Variants in BRINP3 observed in about 807,000 individuals in gnomAD.
BRINP3 encodes the protein BMP/retinoic acid-inducible neural-specific protein 3.
In BRINP3, 19 loss-of-function variants were observed where a neutral mutation model predicts 71.0. The observed-to-expected ratio is 0.27, with a 90% confidence interval of 0.19 to 0.39. The LOEUF is 0.39. BRINP3 is among the 10% of genes least tolerant of loss of function. The pLI is 1.00. For missense variants in BRINP3, 959 were observed against 940.8 expected, an observed-to-expected ratio of 1.02 and a Z score of -0.25; for synonymous variants, 380 against 337.7, an observed-to-expected ratio of 1.13 and a Z score of -1.37.
intron 4 of BRINP3, among the ~76,000 whole-genome samples, chr1:190,260,485 A>G (rs768076992): frequency 1.3e-5 from 2 of 152,102 alleles, no homozygotes; most frequent in Non-Finnish European, 2.9e-5. Context: ...AAAATGTGCA[A>G]CAATTATGAA....
intron 7 of BRINP3, among the ~76,000 whole-genome samples, chr1:190,131,323 TG>T (rs1235305299): frequency 6.6e-6 from 1 of 151,868 alleles, no homozygotes; most frequent in African/African-American, 2.4e-5. Context: ...TGAGTTAAAA[TG>T]TTGAGATTAA....
chr1:190,148,676 T>C (rs1429072207), intron 7 of BRINP3, among the ~76,000 whole-genome samples: 1 of 151,824 alleles, frequency 6.6e-6, no homozygotes, highest in Non-Finnish European at 1.5e-5. Flanking sequence ...TCTTTATTTA[T>C]AGTACTGCAT....
chr1:190,138,693 T>G (rs1333711083), intron 7 of BRINP3, among the ~76,000 whole-genome samples: 2 of 152,140 alleles, frequency 1.3e-5, no homozygotes, highest in Non-Finnish European at 2.9e-5. Context: ...GTTGCAGAAC[T>G]GAGGCTGGGT....
chr1:190,314,401 T>C (rs1665743416), intron 2 of BRINP3, among the ~76,000 whole-genome samples: 3 of 152,230 alleles, frequency 2.0e-5, no homozygotes, highest in South Asian at 4.1e-4. Flanking sequence ...GCTAATTACC[T>C]GACTTTAGAA....
chr1:190,222,568 G>T (rs1327534771), intron 6 of BRINP3, among the ~76,000 whole-genome samples: 2 of 151,562 alleles, frequency 1.3e-5, no homozygotes, highest in Non-Finnish European at 2.9e-5. Context: ...GAATAAAGTT[G>T]AGACAAAAAA....
chr1:190,184,915 G>GA (rs915464615), intron 6 of BRINP3, among the ~76,000 whole-genome samples: 1 of 151,432 alleles, frequency 6.6e-6, no homozygotes, highest in South Asian at 2.1e-4. Flanking sequence ...TTTTTAAAAA[G>GA]AAAAAAAATG....
chr1:190,304,562 T>A (rs1024024507), intron 2 of BRINP3, among the ~76,000 whole-genome samples: 1 of 151,856 alleles, frequency 6.6e-6, no homozygotes, highest in African/African-American at 2.4e-5. Context: ...GGGAAAACGA[T>A]ATTATCATGC....
intron 2 of BRINP3, among the ~76,000 whole-genome samples, chr1:190,431,132 C>A (rs1343605330): frequency 6.6e-6 from 1 of 152,002 alleles, no homozygotes; most frequent in Non-Finnish European, 1.5e-5. Context: ...TAGTGCATTT[C>A]TGAATTCTCA....
chr1:190,188,780 G>T (rs114281555), intron 6 of BRINP3, among the ~76,000 whole-genome samples: 1,619 of 150,530 alleles, frequency 0.011, 24 homozygotes, highest in African/African-American at 0.036. Context: ...TTTTTCACAT[G>T]GTGGAGTCTT....
chr1:190,327,352 G>GAAAAAAAAAAAAAAAAAAAAAAAAAAAA (rs796445574), intron 2 of BRINP3, among the ~76,000 whole-genome samples: 1 of 77,438 alleles, frequency 1.3e-5, no homozygotes, highest in Non-Finnish European at 2.8e-5. Flanking sequence ...AAAAAAAAAG[G>GAAAAAAAAAAAAAAAAAAAAAAAAAAAA]AAAAAAAAAA....
chr1:190,243,339 C>CT (rs201208313), intron 4 of BRINP3, among the ~76,000 whole-genome samples: 55 of 151,034 alleles, frequency 3.6e-4, no homozygotes, highest in African/African-American at 4.6e-4. Context: ...GTTATTTTGA[C>CT]TTTTTTTTTA....
At chr1:190,439,111 C>T (rs576949638) in intron 2 of BRINP3, among the ~76,000 whole-genome samples, 203 of 151,826 alleles carry the variant, frequency 1.3e-3, no homozygotes, top group African/African-American at 4.7e-3. Context: ...AGGCGAGAGG[C>T]GTAGGTGAGT....
At chr1:190,119,855 G>T (rs765478880) in intron 7 of BRINP3, among the ~76,000 whole-genome samples, 1 of 152,144 alleles carries the variant, frequency 6.6e-6, no homozygotes, top group South Asian at 2.1e-4. Flanking sequence ...TTGTGCTGCT[G>T]GTGTACTCCC....
chr1:190,414,332 ACT>A (rs1398470314), intron 2 of BRINP3, among the ~76,000 whole-genome samples: 3 of 151,086 alleles, frequency 2.0e-5, no homozygotes, highest in African/African-American at 7.3e-5. Flanking sequence ...TGAATAAATC[ACT>A]GTGTTTTTTT....
intron 1 of BRINP3, among the ~76,000 whole-genome samples, chr1:190,469,717 ATATT>A (rs1373542168): frequency 2.0e-5 from 3 of 150,962 alleles, no homozygotes; most frequent in Non-Finnish European, 4.5e-5. Context: ...TTTTTGTTCT[ATATT>A]TAGTTTAGCT....
At chr1:190,476,192 A>G (rs1177739832) in intron 1 of BRINP3, among the ~76,000 whole-genome samples, 1 of 149,682 alleles carries the variant, frequency 6.7e-6, no homozygotes, top group African/African-American at 2.5e-5. Flanking sequence ...TTAAAAAAAC[A>G]TTGCTTGGGT....
chr1:190,285,707 C>T (rs1456586679), intron 2 of BRINP3, among the ~76,000 whole-genome samples: 2 of 151,276 alleles, frequency 1.3e-5, no homozygotes, highest in Non-Finnish European at 2.9e-5. Flanking sequence ...AAATTGGAAT[C>T]TAAGGGGTGA....
intron 2 of BRINP3, 61 bp from the exon 3 acceptor site, chr1:190,281,811 G>A: frequency 6.7e-7 from 1 of 1,495,520 alleles, no homozygotes. Context: ...TTTCATTTGA[G>A]TTCACTTGGT....
chr1:190,281,798 T>A (rs1408157840), intron 2 of BRINP3, 48 bp from the exon 3 acceptor site: 8 of 1,540,820 alleles, frequency 5.2e-6, no homozygotes, highest in Non-Finnish European at 6.1e-6. Flanking sequence ...TCTATCTGAA[T>A]GTTTTCATTT....
Sources: gnomAD v4.1 joint callset for allele counts (sites outside exome capture counted in the v4.1 genomes callset) on GRCh38, gnomAD v4.1.1 for gene constraint, MANE v1.5 for transcripts, NCBI Gene and HGNC (gene_info 2026-07-23, HGNC 2026-07-21) for gene names.